HAUS8: variants seen among roughly 807,000 people sequenced by gnomAD.
HAUS8 encodes the protein HAUS augmin like complex subunit 8.
HAUS8 carries 38 observed loss-of-function variants against 42.9 expected under a neutral mutation model. The observed-to-expected ratio is 0.89, with a 90% CI of 0.68 to 1.16. The LOEUF (loss-of-function observed/expected upper bound fraction) is 1.16. HAUS8 is among the 50% of genes most tolerant of loss of function. The probability of loss-of-function intolerance (pLI) is 0.00; values close to 1 mark genes in which losing one functional copy is unlikely to be tolerated. For missense variants in HAUS8, 494 were observed against 511.6 expected (o/e 0.97, Z 0.33); for synonymous variants, 199 against 205.8 (o/e 0.97, Z 0.28).
chr19:17,071,612 A>T (rs1373311920), intron 2 of HAUS8, among the ~76,000 whole-genome samples: 1 of 152,190 alleles, frequency 6.6e-6, no homozygotes, highest in Non-Finnish European at 1.5e-5. Context: ...AGTTTTGCTC[A>T]ACAAGGAGGA....
chr19:17,075,189 G>T, intron 1 of HAUS8: 1 of 565,902 alleles, frequency 1.8e-6, no homozygotes, highest in African/African-American at 1.9e-5. Flanking sequence ...CCCAGCCGAG[G>T]ACGCGGAACT....
At position 17,058,568 on chromosome 19, in the gene HAUS8, G is replaced by A. The variant is rs764230849; in HGVS notation, c.626C>T (p.Ala209Val). The A allele has an allele frequency of 2.5e-6, 4 of 1,602,124 alleles. No homozygotes were observed. The African/African-American group carries it at 5.4e-5, about 22-fold the overall frequency. The change falls in exon 8 of 11, where the codon GCA (alanine) becomes GTA (valine). Residue 209 changes from alanine (A) to valine (V), a missense_variant. Ala to Val is a moderately conservative substitution (Grantham distance 64, BLOSUM62 0). Transcript: ENST00000253669. ...ACTGACCTGGGCATCCAGGACATCTGCCAGCTCCCGCTTCCTCTGAGAGAG... is the reference window on the plus strand; with the variant it reads ...ACTGACCTGGGCATCCAGGACATCTACCAGCTCCCGCTTCCTCTGAGAGAG... The part of the protein sequence containing the change: ...LLLSQRKREL[A>V]DVLDAQIEML...
Position 17,053,169 on chromosome 19 carries a change from CCAT to C in HAUS8, c.788-206_788-204del. On this transcript the variant is annotated intron_variant, in intron 9 of 10. Coordinates refer to ENST00000253669, the MANE Select transcript of HAUS8 (RefSeq NM_033417.2). Reference sequence around the variant, plus strand: ...CTCTGAGATTGTGGGACAGGCACATCCATCTATCCAGGAGGGCATTGGACCAGA... The same window carrying C: ...CTCTGAGATTGTGGGACAGGCACATCCTATCCAGGAGGGCATTGGACCAGA... 8.2e-6 allele frequency: 5 copies of C among 608,228 alleles called. No individual in the cohort carries two copies. The South Asian group carries it at 9.8e-5, about 12-fold the overall frequency. 37.7% of individuals were successfully genotyped at this position (608,228 alleles called of 1,614,324 possible).
chr19:17,073,316 T>A lies in HAUS8; in HGVS notation c.49A>T (p.Thr17Ser), dbSNP rs1266147628. ...RGAGKPATGP[T>S]NSSSAKKKDK... ...TTCTTCTTGGCACTGCTAGAATTTG[T>A]GGGGCCGGTTGCAGGCTTCCTGCAA... The change falls in exon 2 of 11, where the codon ACA becomes TCA. Residue 17 changes from threonine to serine, a missense_variant. Physicochemically the swap from Thr to Ser is moderately conservative, Grantham distance 58. Coordinates refer to ENST00000253669, the MANE Select transcript of HAUS8 (RefSeq NM_033417.2). 1 of 1,614,078 alleles carries A rather than the reference T, an allele frequency of 6.2e-7. No individual in the cohort carries two copies. Among genetic ancestry groups the A allele is most frequent in the African/African-American group, 1.3e-5 (1 of 75,042 alleles).
chr19:17,058,820 T>C lies in HAUS8; in HGVS notation c.477A>G (p.Leu159=), dbSNP rs147602580. Residue 159 remains leucine (L), a synonymous_variant, in exon 7 of 11, where the codon CTA becomes CTG. Transcript: ENST00000253669. ...MESQTLLLTL[L]SVKMENNLAE... The stretch of plus-strand genomic sequence containing the variant: ...AAGAAACTGTTTTCACCTTTACGGA[T>C]AGTAGCGTCAGCAGTAGTGTCTGAG... 6.4e-3 allele frequency: 10,250 copies of C among 1,613,452 alleles called. 106 individuals carry two copies. Among genetic ancestry groups the C allele is most frequent in the South Asian group, 0.033 (2,960 of 90,866 alleles).
intron 3 of HAUS8, among the ~76,000 whole-genome samples, chr19:17,068,465 T>C (rs1216392050): frequency 1.3e-5 from 2 of 152,102 alleles, no homozygotes; most frequent in Admixed American, 1.3e-4. Flanking sequence ...GCGAATTAAC[T>C]GGGTTGAAAG....
intron 2 of HAUS8, 27 bp downstream of exon 2, chr19:17,073,246 TC>T (rs1295733137): frequency 1.9e-6 from 3 of 1,594,274 alleles, no homozygotes; most frequent in Non-Finnish European, 2.6e-6. Flanking sequence ...AAAACCATGT[TC>T]CTTAAAGAGA....
intron 2 of HAUS8, 99 bp downstream of exon 2, chr19:17,073,175 G>C: frequency 9.4e-7 from 1 of 1,061,952 alleles, no homozygotes; most frequent in Non-Finnish European, 1.5e-6. Flanking sequence ...AGGAAGTAAA[G>C]CCACAGGCCC....
chr19:17,074,137 T>TAA (rs2057448178), intron 1 of HAUS8: 1 of 152,302 alleles, frequency 6.6e-6, no homozygotes, highest in African/African-American at 2.4e-5. Flanking sequence ...CTGGGATGAC[T>TAA]AGGGGTTTCA....
At chr19:17,055,339 C>CAAAA (rs11315045) in intron 9 of HAUS8, among the ~76,000 whole-genome samples, 1 of 49,488 alleles carries the variant, frequency 2.0e-5, no homozygotes, top group South Asian at 9.2e-4. Flanking sequence ...GATGCTGTCT[C>CAAAA]AAAAAAAAAA....
At position 17,058,649 on chromosome 19, in the gene HAUS8, C is replaced by T. The variant is rs1008688330; in HGVS notation, c.545G>A (p.Cys182Tyr). 2.5e-6 allele frequency: 4 copies of T among 1,613,290 alleles called. No homozygotes were observed. The highest frequency in any genetic ancestry group is 2.2e-5 in the South Asian group (2 of 90,952). Residue 182 changes from cysteine to tyrosine, a missense_variant, in exon 8 of 11, where the codon TGT becomes TAT. By Grantham distance (194) the Cys-to-Tyr change is radical. Transcript: ENST00000253669. ...RRAEKNLLIM[C>Y]KEKEKLQKKA... ...TTTCTGTAGCTTCTCCTTCTCCTTA[C>T]ACATTATTAATAAATTCTTTTCTGC...
At chr19:17,053,084 G>A (rs2057298171) in intron 9 of HAUS8, 118 bp from the exon 10 acceptor site, 1 of 1,203,096 alleles carries the variant, frequency 8.3e-7, no homozygotes, top group African/African-American at 1.5e-5. Flanking sequence ...TGGAACCGTG[G>A]AGAGCGCACA....
chr19:17,067,263 T>C (rs868764265), intron 3 of HAUS8, among the ~76,000 whole-genome samples: 1 of 149,990 alleles, frequency 6.7e-6, no homozygotes, highest in Non-Finnish European at 1.5e-5. Context: ...ACAGAGGAAC[T>C]TGAAAGGCAC....
At chr19:17,052,650 T>A in intron 10 of HAUS8, 175 bp downstream of exon 10, 1 of 658,414 alleles carries the variant, frequency 1.5e-6, no homozygotes, top group Non-Finnish European at 2.6e-6. Flanking sequence ...CAGATGACAA[T>A]GACACCTGCT....
chr19:17,050,638 G>A (rs2057281839), intron 10 of HAUS8, among the ~76,000 whole-genome samples: 1 of 152,164 alleles, frequency 6.6e-6, no homozygotes, highest in African/African-American at 2.4e-5. Flanking sequence ...GCTCACACCT[G>A]TAATTCCAGC....
Position 17,049,914 on chromosome 19 carries a change from C to G in HAUS8, c.1192G>C (p.Val398Leu). The change falls in exon 11 of 11, where the codon GTC becomes CTC. Residue 398 changes from valine to leucine, a missense_variant. Val to Leu is a conservative substitution (Grantham distance 32). Coordinates refer to ENST00000253669, the MANE Select transcript of HAUS8 (RefSeq NM_033417.2). ...EDFSSSSQAE[V>L]PPSLSRSGRD... ...CCTGAACGAGAGAGAGAGGGCGGGACTTCTGCCTGGCTGCTTGAAGAAAAA... is the reference window on the plus strand; with the variant it reads ...CCTGAACGAGAGAGAGAGGGCGGGAGTTCTGCCTGGCTGCTTGAAGAAAAA... 6.5e-7 allele frequency: 1 copy of G among 1,530,938 alleles called. No individual in the cohort carries two copies. Among genetic ancestry groups the G allele is most frequent in the Non-Finnish European group, 8.8e-7 (1 of 1,137,502 alleles). The allele number at this position is 1,530,938 out of a possible 1,614,324, so 94.8% of individuals were successfully genotyped here.
Position 17,069,029 on chromosome 19 carries a change from A to G in HAUS8, c.147+2T>C. On this transcript the variant is annotated splice_donor_variant, in intron 3 of 10. Coordinates refer to ENST00000253669, the MANE Select transcript of HAUS8 (RefSeq NM_033417.2). LOFTEE classifies it high-confidence loss of function. Reference sequence around the variant, plus strand: ...GCAAATGGAAGCTGGGTGCGGCCTTACCTTTTGGGTTGTCTTCTTTTCATA... The same window carrying G: ...GCAAATGGAAGCTGGGTGCGGCCTTGCCTTTTGGGTTGTCTTCTTTTCATA... 6.2e-7 allele frequency: 1 copy of G among 1,612,556 alleles called. No individual in the cohort carries two copies. Among genetic ancestry groups the G allele is most frequent in the Non-Finnish European group, 8.5e-7 (1 of 1,179,204 alleles).
rs572901301 is a variant in HAUS8 at position 17,055,959 on chromosome 19, T to C, written c.689A>G (p.Lys230Arg). ...CGTGGCGAATGTCCTGTATTGCTCC[T>C]TGAAGCGTGTGGCCACTGCCTCGAA... ...SPFEAVATRF[K>R]EQYRTFATAL... The change falls in exon 9 of 11, where the codon AAG (lysine) becomes AGG (arginine). Residue 230 changes from lysine (K) to arginine (R), a missense_variant. By Grantham distance (26) the Lys-to-Arg change is conservative. Coordinates refer to ENST00000253669, the MANE Select transcript of HAUS8 (RefSeq NM_033417.2). The C allele has an allele frequency of 3.1e-6, 5 of 1,614,190 alleles. No homozygotes were observed. The South Asian group carries it at 5.5e-5, about 18-fold the overall frequency.
In HAUS8 at chr19:17,075,238, G is replaced by A. The variant is rs2057462549; in HGVS notation, c.29+156C>T. 4 of 778,510 alleles carry A rather than the reference G, an allele frequency of 5.1e-6. No individual in the cohort carries two copies. In the Admixed American group the frequency reaches 6.7e-5, roughly 13 times the overall value. 48.2% of individuals were successfully genotyped at this position (778,510 alleles called of 1,614,324 possible). On this transcript the variant is annotated intron_variant, in intron 1 of 10. Transcript: ENST00000253669. Reference sequence around the variant, plus strand: ...GTGTCAGCGCTCCGGAGCATGCGCAGAGGCAGCACGCCATCGGGGTCTTCA... The same window carrying A: ...GTGTCAGCGCTCCGGAGCATGCGCAAAGGCAGCACGCCATCGGGGTCTTCA...
Sources: gnomAD v4.1 joint callset for allele counts (sites outside exome capture counted in the v4.1 genomes callset) on GRCh38, gnomAD v4.1.1 for gene constraint, MANE v1.5 for transcripts, NCBI Gene and HGNC (gene_info 2026-07-23, HGNC 2026-07-21) for gene names.